Variants in USP28 observed in about 807,000 individuals in gnomAD.
USP28 encodes the protein ubiquitin carboxyl-terminal hydrolase 28.
USP28 carries 113 observed loss-of-function variants against 145.0 expected under a neutral mutation model. The ratio of observed to expected loss-of-function variants is 0.78; its 90% CI spans 0.67 to 0.91. The LOEUF is 0.91. Among genes scored for constraint, USP28 ranks in the 40% least tolerant of loss-of-function variants. The pLI is 0.00. For missense variants in USP28, 1,201 were observed against 1,289.6 expected, an observed-to-expected ratio of 0.93 and a Z score of 1.05; for synonymous variants, 447 against 450.9, an observed-to-expected ratio of 0.99 and a Z score of 0.11.
intron 3 of USP28, among the ~76,000 whole-genome samples, chr11:113,846,783 G>C (rs1945898299): frequency 1.3e-5 from 2 of 152,196 alleles, no homozygotes; most frequent in African/African-American, 4.8e-5. Context: ...CTGAGGTCAG[G>C]AGTTTGAGAC....
intron 8 of USP28, among the ~76,000 whole-genome samples, chr11:113,831,704 A>C (rs541111881): frequency 7.3e-5 from 11 of 149,748 alleles, no homozygotes; most frequent in African/African-American, 2.7e-4. Flanking sequence ...TTTAGTTAGA[A>C]AAAAAAAAAA....
intron 1 of USP28, chr11:113,874,788 T>C (rs1949206229): frequency 8.9e-7 from 1 of 1,120,384 alleles, no homozygotes; most frequent in Non-Finnish European, 1.1e-6. Flanking sequence ...GAAGTCCTTA[T>C]ATTGATTTCA....
In USP28 at chr11:113,800,070, A is replaced by C. The variant is rs954566606; in HGVS notation, c.3059-655T>G. ...GCCCAGGCTGGAGTGCAGTGGCGCC[A>C]TCTTTGCTCACTGCAAGCTCCGCCT... On this transcript the variant is annotated intron_variant, in intron 24 of 24. Coordinates refer to ENST00000003302, the Ensembl canonical transcript of USP28. 2.6e-5 allele frequency among the ~76,000 whole-genome samples: 4 copies of C among 151,472 alleles called. No homozygotes were observed. The East Asian group carries it at 7.8e-4, about 29-fold the overall frequency.
Position 113,874,648 on chromosome 11 carries a change from G to T in USP28, c.57+797C>A. ...AGTACTTGAGGGGTGAGGAGGTGGTGTTAAGTTATAACATTCCGAAGTAAC... is the reference window on the plus strand; with the variant it reads ...AGTACTTGAGGGGTGAGGAGGTGGTTTTAAGTTATAACATTCCGAAGTAAC... On this transcript the variant is annotated intron_variant, in intron 1 of 24. Transcript: ENST00000003302. 7.8e-6 allele frequency: 10 copies of T among 1,279,284 alleles called. No individual in the cohort carries two copies. In the South Asian group the frequency reaches 1.2e-4, roughly 16 times the overall value. The allele number at this position is 1,279,284 out of a possible 1,614,324, so 79.2% of individuals were successfully genotyped here.
chr11:113,807,789 T>G (rs1419312359), intron 18 of USP28, among the ~76,000 whole-genome samples, 162 bp downstream of exon 19: 1 of 152,140 alleles, frequency 6.6e-6, no homozygotes. Flanking sequence ...CATGGCTATC[T>G]TTTAAATAAT....
intron 1 of USP28, among the ~76,000 whole-genome samples, chr11:113,867,377 C>T (rs1054895331): frequency 2.0e-5 from 3 of 152,074 alleles, no homozygotes; most frequent in Admixed American, 2.0e-4. Flanking sequence ...AGTGATTCTC[C>T]TGCCTCAGCC....
At chr11:113,869,200 A>C (rs1359981163) in intron 1 of USP28, among the ~76,000 whole-genome samples, 1 of 152,198 alleles carries the variant, frequency 6.6e-6, no homozygotes, top group Non-Finnish European at 1.5e-5. Context: ...TGGGAGGCCA[A>C]GGCAGACGGA....
intron 5 of USP28, chr11:113,835,127 A>G (rs944838566): frequency 8.0e-6 from 3 of 376,682 alleles, no homozygotes; most frequent in East Asian, 1.4e-4. Context: ...GTATTTTTTA[A>G]AAGTTTAACA....
chr11:113,827,282 C>T (rs757526731), exon 11 of USP28: 1 of 1,613,000 alleles, frequency 6.2e-7, no homozygotes, highest in Non-Finnish European at 8.5e-7. Flanking sequence ...TGAATTTTCT[C>T]TGGCTGCCCA....
intron 15 of USP28, 109 bp downstream of exon 15, chr11:113,813,776 T>C (rs1325569848): frequency 1.2e-6 from 1 of 832,004 alleles, no homozygotes; most frequent in East Asian, 2.5e-5. Flanking sequence ...AGTTTATTCT[T>C]TTATCTTAGG....
intron 23 of USP28, among the ~76,000 whole-genome samples, chr11:113,802,175 T>G (rs544710900): frequency 6.6e-6 from 1 of 152,350 alleles, no homozygotes; most frequent in East Asian, 1.9e-4. Flanking sequence ...TAAATCCCTA[T>G]AATTGCATTA....
At chr11:113,822,653 C>T (rs1051383397) in intron 12 of USP28, among the ~76,000 whole-genome samples, 5 of 152,150 alleles carry the variant, frequency 3.3e-5, no homozygotes, top group African/African-American at 1.2e-4. Context: ...AAATTTCCAG[C>T]CTTACAAAGT....
intron 1 of USP28, among the ~76,000 whole-genome samples, chr11:113,854,702 C>A (rs1189182802): frequency 6.6e-6 from 1 of 152,070 alleles, no homozygotes. Context: ...GCAAACGGCC[C>A]TGCATTTTTT....
At chr11:113,848,166 G>A (rs1456764347) in intron 3 of USP28, among the ~76,000 whole-genome samples, 2 of 152,084 alleles carry the variant, frequency 1.3e-5, no homozygotes, top group Non-Finnish European at 2.9e-5. Flanking sequence ...GCAGATCAGT[G>A]GGGAATTACA....
At chr11:113,857,398 A>AT (rs1409007550) in intron 1 of USP28, among the ~76,000 whole-genome samples, 1 of 152,226 alleles carries the variant, frequency 6.6e-6, no homozygotes, top group African/African-American at 2.4e-5. Context: ...AATCAAATTT[A>AT]TACCCCGCCA....
chr11:113,856,298 G>A (rs544528183), intron 1 of USP28, among the ~76,000 whole-genome samples: 2 of 152,208 alleles, frequency 1.3e-5, no homozygotes, highest in Non-Finnish European at 2.9e-5. Context: ...TAATCGAGAG[G>A]GGGAATCAGT....
chr11:113,874,904 G>C, intron 1 of USP28: 1 of 1,002,996 alleles, frequency 1.0e-6, no homozygotes, highest in Non-Finnish European at 1.2e-6. Context: ...GCAATAATTG[G>C]GGAGGCTGCG....
At chr11:113,799,099 T>G in exon 25 of USP28, 1 of 922,678 alleles carries the variant, frequency 1.1e-6, no homozygotes, top group Non-Finnish European at 1.6e-6. Flanking sequence ...AATCCTTCTT[T>G]ACACATGCAG....
At chr11:113,861,711 G>A (rs749243002) in intron 1 of USP28, among the ~76,000 whole-genome samples, 13 of 152,068 alleles carry the variant, frequency 8.5e-5, no homozygotes, top group Non-Finnish European at 1.2e-4. Context: ...TCCCGAAATT[G>A]TCTATGCACA....
Sources: gnomAD v4.1 joint callset for allele counts (sites outside exome capture counted in the v4.1 genomes callset) on GRCh38, gnomAD v4.1.1 for gene constraint, MANE v1.5 for transcripts, NCBI Gene and HGNC (gene_info 2026-07-23, HGNC 2026-07-21) for gene names.